The following DLG2 variants were observed in gnomAD, a reference collection of about 807,000 sequenced individuals.
The protein encoded by DLG2 is discs large MAGUK scaffold protein 2.
DLG2 carries 45 observed loss-of-function variants against 132.5 expected under a neutral mutation model. The observed-to-expected ratio is 0.34, with a 90% CI of 0.27 to 0.44. DLG2 has a LOEUF of 0.44. DLG2 is among the 20% of genes least tolerant of loss of function. The probability of loss-of-function intolerance (pLI) is 1.00; values close to 1 mark genes in which losing one functional copy is unlikely to be tolerated. For synonymous variants in DLG2, 424 were observed against 419.6 expected (o/e 1.01, Z -0.13); for missense variants, 1,045 against 1,196.9 (o/e 0.87, Z 1.87).
intron 19 of DLG2, among the ~76,000 whole-genome samples, chr11:83,602,374 C>A (rs1400734844): frequency 6.6e-6 from 1 of 152,174 alleles, no homozygotes; most frequent in Non-Finnish European, 1.5e-5. Context: ...CAGCACCATG[C>A]CGGCAGTGGA....
intron 6 of DLG2, among the ~76,000 whole-genome samples, chr11:84,618,667 A>C (rs2099608694): frequency 6.6e-6 from 1 of 152,024 alleles, no homozygotes; most frequent in African/African-American, 2.4e-5. Context: ...TCCAATCAAA[A>C]ACCAAGTCTA....
At chr11:84,208,373 T>G (rs1363030636) in intron 8 of DLG2, among the ~76,000 whole-genome samples, 1 of 143,792 alleles carries the variant, frequency 7.0e-6, no homozygotes, top group Non-Finnish European at 1.5e-5. Flanking sequence ...TGAGATGGAC[T>G]CGCTCTGTCA....
chr11:84,286,759 A>G (rs1319424911), intron 7 of DLG2, among the ~76,000 whole-genome samples: 3 of 152,174 alleles, frequency 2.0e-5, no homozygotes, highest in Admixed American at 1.3e-4. Context: ...GTTGAGAGGT[A>G]AATTTGACTC....
intron 8 of DLG2, among the ~76,000 whole-genome samples, chr11:84,185,493 G>C (rs1009245666): frequency 6.6e-5 from 10 of 152,098 alleles, no homozygotes; most frequent in Admixed American, 2.0e-4. Flanking sequence ...GGGTTTTCTA[G>C]ATATACAATC....
intron 8 of DLG2, among the ~76,000 whole-genome samples, chr11:84,219,335 G>C (rs1205633708): frequency 6.6e-6 from 1 of 152,184 alleles, no homozygotes; most frequent in Non-Finnish European, 1.5e-5. Context: ...CAATGTGTGA[G>C]AGGTACTCTA....
intron 7 of DLG2, among the ~76,000 whole-genome samples, chr11:84,274,515 T>G: frequency 6.6e-6 from 1 of 152,224 alleles, no homozygotes. Flanking sequence ...CCCTGTATTA[T>G]TTTTGGAAGA....
chr11:83,875,609 A>C (rs914631759), intron 15 of DLG2, among the ~76,000 whole-genome samples: 1 of 152,226 alleles, frequency 6.6e-6, no homozygotes, highest in Non-Finnish European at 1.5e-5. Context: ...ATAATTCAAC[A>C]GCCAACTTTA....
intron 6 of DLG2, among the ~76,000 whole-genome samples, chr11:84,998,971 A>T (rs2057954416): frequency 6.9e-6 from 1 of 144,104 alleles, no homozygotes; most frequent in Non-Finnish European, 1.5e-5. Context: ...TTATTATTAC[A>T]ATTATATATA....
At chr11:84,592,557 C>CA (rs1210777018) in intron 6 of DLG2, among the ~76,000 whole-genome samples, 1 of 151,952 alleles carries the variant, frequency 6.6e-6, no homozygotes, top group African/African-American at 2.4e-5. Flanking sequence ...AAATTTTTTG[C>CA]AATCTATCCA....
At position 84,116,845 on chromosome 11, in the gene DLG2, C is replaced by T. The variant is rs188351459; in HGVS notation, c.625-17798G>A. 1.9e-3 allele frequency among the ~76,000 whole-genome samples: 283 copies of T among 152,328 alleles called. 2 individuals carry two copies. Among genetic ancestry groups the T allele is most frequent in the African/African-American group, 6.7e-3 (278 of 41,572 alleles). ...ATGTTAGAGGGACAAGTGAAACGTG[C>T]ATTGGCTCCCTACTGCTTAGGGAAT... On this transcript the variant is annotated intron_variant, in intron 9 of 27. Transcript: ENST00000376104.
At chr11:83,980,729 T>G in intron 11 of DLG2, 87 bp from the exon 12 acceptor site, 2 of 1,312,098 alleles carry the variant, frequency 1.5e-6, no homozygotes, top group South Asian at 3.8e-5. Flanking sequence ...TTTAACAGTT[T>G]TTAAAAATGA....
At chr11:83,572,191 A>G (rs1200166177) in intron 19 of DLG2, among the ~76,000 whole-genome samples, 1 of 152,104 alleles carries the variant, frequency 6.6e-6, no homozygotes, top group Non-Finnish European at 1.5e-5. Flanking sequence ...ACTCCAACTT[A>G]CTATAATTCA....
intron 15 of DLG2, among the ~76,000 whole-genome samples, chr11:83,909,458 A>G (rs551821974): frequency 6.6e-6 from 1 of 152,316 alleles, no homozygotes; most frequent in Non-Finnish European, 1.5e-5. Flanking sequence ...GCAACTGACA[A>G]TGGAAGCCAC....
chr11:85,410,140 A>T (rs1199239821), intron 3 of DLG2, among the ~76,000 whole-genome samples: 1 of 151,880 alleles, frequency 6.6e-6, no homozygotes, highest in Non-Finnish European at 1.5e-5. Flanking sequence ...AGAAGTTAGC[A>T]AGTTAATGAA....
At chr11:83,790,471 T>C in intron 17 of DLG2, 1 of 1,211,672 alleles carries the variant, frequency 8.3e-7, no homozygotes, top group Non-Finnish European at 1.2e-6. Context: ...GTAAGGCTTG[T>C]CACTACCATG....
rs1341778218 is a variant in DLG2 at position 84,203,581 on chromosome 11, C to CACAAAAA, written c.574-40071_574-40070insTTTTTGT. ...CGGGCAACAGAGCGAGACTCCGTCT[C>CACAAAAA]AAAAAAAAAAAAAAAAAAGGAATGA... On this transcript the variant is annotated intron_variant, in intron 8 of 27. Coordinates refer to ENST00000376104, the MANE Select transcript of DLG2 (RefSeq NM_001142699.3). Among the ~76,000 whole-genome samples, 5 of 99,426 alleles carry CACAAAAA rather than the reference C, an allele frequency of 5.0e-5. No homozygotes were observed. The Admixed American group carries it at 6.3e-4, about 12-fold the overall frequency. 65.2% of individuals were successfully genotyped at this position (99,426 alleles called of 152,430 possible).
At chr11:84,832,974 G>T (rs1259495972) in intron 6 of DLG2, among the ~76,000 whole-genome samples, 2 of 151,556 alleles carry the variant, frequency 1.3e-5, no homozygotes, top group African/African-American at 4.8e-5. Flanking sequence ...AACGAGAGTT[G>T]TATGTGAGTT....
intron 18 of DLG2, among the ~76,000 whole-genome samples, chr11:83,675,258 G>A (rs937846863): frequency 6.6e-6 from 1 of 152,194 alleles, no homozygotes; most frequent in Non-Finnish European, 1.5e-5. Context: ...TCAGAGTGAA[G>A]TCTAATTTTT....
At chr11:85,217,322 A>T (rs999305160) in intron 4 of DLG2, among the ~76,000 whole-genome samples, 7 of 151,186 alleles carry the variant, frequency 4.6e-5, no homozygotes, top group African/African-American at 9.7e-5. Context: ...TCTCTCTCAC[A>T]CACACACACA....
Sources: gnomAD v4.1 joint callset for allele counts (sites outside exome capture counted in the v4.1 genomes callset) on GRCh38, gnomAD v4.1.1 for gene constraint, MANE v1.5 for transcripts, NCBI Gene and HGNC (gene_info 2026-07-23, HGNC 2026-07-21) for gene names.